Variants in NAALADL2 observed in about 807,000 individuals in gnomAD.
The protein encoded by NAALADL2 is inactive N-acetylated-alpha-linked acidic dipeptidase-like protein 2.
A neutral mutation model predicts 87.2 loss-of-function variants in NAALADL2; 76 were observed. That is an observed-to-expected ratio of 0.87 (90% CI 0.72 to 1.05). NAALADL2 has a LOEUF of 1.05. Among genes scored for constraint, NAALADL2 ranks in the 50% least tolerant of loss-of-function variants. The probability of loss-of-function intolerance (pLI) is 0.00; values close to 1 mark genes in which losing one functional copy is unlikely to be tolerated. For missense variants in NAALADL2, 1,089 were observed against 945.8 expected (o/e 1.15, Z -1.99); for synonymous variants, 354 against 331.0 (o/e 1.07, Z -0.75).
chr3:175,053,464 C>T (rs1235335636), intron 1 of NAALADL2, among the ~76,000 whole-genome samples: 1 of 152,164 alleles, frequency 6.6e-6, no homozygotes, highest in East Asian at 1.9e-4. Flanking sequence ...TCAGCATCAG[C>T]CTCAGCATGG....
At chr3:174,814,798 C>T (rs1056863942) in intron 3 of NAALADL2, among the ~76,000 whole-genome samples, 10 of 152,134 alleles carry the variant, frequency 6.6e-5, no homozygotes, top group Admixed American at 6.6e-4. Flanking sequence ...CAGGCCAACT[C>T]TTTTGATTAC....
chr3:175,602,239 T>C (rs779930832), intron 10 of NAALADL2, among the ~76,000 whole-genome samples: 1 of 152,134 alleles, frequency 6.6e-6, no homozygotes, highest in African/African-American at 2.4e-5. Context: ...CAGGTGAATA[T>C]ATATTTATAT....
chr3:174,983,997 C>A (rs762467247), intron 1 of NAALADL2, among the ~76,000 whole-genome samples: 1 of 152,162 alleles, frequency 6.6e-6, no homozygotes. Context: ...TTCACCCCAA[C>A]ATTTAGTCTC....
chr3:174,736,056 G>A (rs1215127683), intron 2 of NAALADL2, among the ~76,000 whole-genome samples: 1 of 152,144 alleles, frequency 6.6e-6, no homozygotes, highest in African/African-American at 2.4e-5. Context: ...GCTGGTCCAG[G>A]TGTACTGCAA....
intron 9 of NAALADL2, among the ~76,000 whole-genome samples, chr3:175,496,145 A>G (rs1011621262): frequency 1.3e-5 from 2 of 152,150 alleles, no homozygotes; most frequent in Non-Finnish European, 2.9e-5. Flanking sequence ...AAATATTAAA[A>G]CAAGATACAA....
chr3:174,937,978 T>C (rs1195836440), intron 1 of NAALADL2, among the ~76,000 whole-genome samples: 1 of 152,104 alleles, frequency 6.6e-6, no homozygotes, highest in African/African-American at 2.4e-5. Context: ...GTAATCTTTA[T>C]GGTAATGTAT....
chr3:174,977,159 C>T (rs1352359016), intron 1 of NAALADL2, among the ~76,000 whole-genome samples: 2 of 152,156 alleles, frequency 1.3e-5, no homozygotes, highest in Non-Finnish European at 2.9e-5. Context: ...TACTACATGA[C>T]CTCCCATGTC....
At chr3:175,375,146 A>G (rs1350011883) in intron 5 of NAALADL2, among the ~76,000 whole-genome samples, 3 of 152,142 alleles carry the variant, frequency 2.0e-5, no homozygotes, top group Non-Finnish European at 4.4e-5. Flanking sequence ...CTGTTTGTTT[A>G]TTCTTATAGC....
At chr3:175,473,555 A>G (rs1184599403) in intron 9 of NAALADL2, among the ~76,000 whole-genome samples, 1 of 151,676 alleles carries the variant, frequency 6.6e-6, no homozygotes, top group Admixed American at 6.6e-5. Flanking sequence ...TTATGGAATG[A>G]ATATAAATAA....
chr3:174,698,413 A>G (rs1336386453), intron 2 of NAALADL2, among the ~76,000 whole-genome samples: 2 of 152,096 alleles, frequency 1.3e-5, no homozygotes, highest in African/African-American at 2.4e-5. Flanking sequence ...TTTGAAGATA[A>G]TATTCTACTC....
chr3:174,648,399 T>C (rs1237009641), intron 2 of NAALADL2, among the ~76,000 whole-genome samples: 2 of 151,740 alleles, frequency 1.3e-5, no homozygotes, highest in African/African-American at 4.8e-5. Context: ...ACTTAGTAGA[T>C]ATAGTGTTTG....
At chr3:174,685,306 C>A (rs1246229408) in intron 2 of NAALADL2, among the ~76,000 whole-genome samples, 1 of 152,064 alleles carries the variant, frequency 6.6e-6, no homozygotes, top group Non-Finnish European at 1.5e-5. Flanking sequence ...CAAATCTCAT[C>A]ATCATCTTGA....
intron 2 of NAALADL2, among the ~76,000 whole-genome samples, chr3:175,222,226 G>A (rs1743496624): frequency 6.6e-6 from 1 of 152,124 alleles, no homozygotes; most frequent in African/African-American, 2.4e-5. Context: ...TTCCTTAGAT[G>A]TAGTAGATAT....
At chr3:175,382,468 G>C (rs1288845233) in intron 5 of NAALADL2, among the ~76,000 whole-genome samples, 1 of 130,410 alleles carries the variant, frequency 7.7e-6, no homozygotes, top group East Asian at 2.5e-4. Context: ...ATTTAAAATA[G>C]TAATTTGCCA....
rs549063955 is a variant in NAALADL2 at position 174,930,899 on chromosome 3, G to A, written c.43+71449G>A. On this transcript the variant is annotated intron_variant, in intron 1 of 13. Coordinates refer to ENST00000454872, the MANE Select transcript of NAALADL2 (RefSeq NM_207015.3). ...GGCCTCCCAAAGTGCTGGGATTACA[G>A]GCATGAGCCACCACGCCCGGCCAAG... 2.6e-5 allele frequency among the ~76,000 whole-genome samples: 4 copies of A among 152,016 alleles called. No homozygotes were observed. The East Asian group carries it at 7.8e-4, about 30-fold the overall frequency.
At chr3:175,622,536 C>G (rs146082743) in intron 10 of NAALADL2, among the ~76,000 whole-genome samples, 102 of 152,068 alleles carry the variant, frequency 6.7e-4, no homozygotes, top group Middle Eastern at 3.4e-3. Flanking sequence ...ACTTGACATG[C>G]AGGGTTATGG....
chr3:174,875,675 ATG>A (rs1190558237), intron 1 of NAALADL2, among the ~76,000 whole-genome samples: 1 of 152,154 alleles, frequency 6.6e-6, no homozygotes, highest in Non-Finnish European at 1.5e-5. Flanking sequence ...AAGAAAAAAA[ATG>A]TGTGTCCCTT....
chr3:174,663,656 C>T (rs1411865207), intron 2 of NAALADL2, among the ~76,000 whole-genome samples: 1 of 152,114 alleles, frequency 6.6e-6, no homozygotes, highest in Non-Finnish European at 1.5e-5. Context: ...GCCCTCATGA[C>T]CTAAACACCT....
At chr3:175,105,734 A>T (rs1003813722) in intron 2 of NAALADL2, among the ~76,000 whole-genome samples, 1 of 138,888 alleles carries the variant, frequency 7.2e-6, no homozygotes, top group Non-Finnish European at 1.5e-5. Context: ...GCATGTACTA[A>T]AAAAGTTGAT....
Sources: gnomAD v4.1 joint callset for allele counts (sites outside exome capture counted in the v4.1 genomes callset) on GRCh38, gnomAD v4.1.1 for gene constraint, MANE v1.5 for transcripts, NCBI Gene and HGNC (gene_info 2026-07-23, HGNC 2026-07-21) for gene names.